The following PTPRO variants were observed in gnomAD, a reference collection of about 807,000 sequenced individuals.
The protein encoded by PTPRO is protein tyrosine phosphatase receptor type O, also known as receptor-type tyrosine-protein phosphatase O.
PTPRO carries 62 observed loss-of-function variants against 145.2 expected under a neutral mutation model. The ratio of observed to expected loss-of-function variants is 0.43; its 90% CI spans 0.35 to 0.53. The LOEUF is 0.53. Among genes scored for constraint, PTPRO ranks in the 20% least tolerant of loss-of-function variants. PTPRO has a pLI of 0.01. For synonymous variants in PTPRO, 565 were observed against 514.7 expected (o/e 1.10, Z -1.32); for missense variants, 1,345 against 1,482.7 (o/e 0.91, Z 1.53).
At chr12:15,359,781 A>C (rs916298733) in intron 1 of PTPRO, among the ~76,000 whole-genome samples, 1 of 152,126 alleles carries the variant, frequency 6.6e-6, no homozygotes. Flanking sequence ...TGACTTACTA[A>C]AGAAAAATTG....
At chr12:15,566,810 C>T (rs980878888) in intron 18 of PTPRO, among the ~76,000 whole-genome samples, 6 of 152,192 alleles carry the variant, frequency 3.9e-5, no homozygotes, top group South Asian at 2.1e-4. Flanking sequence ...CATGAGGCAC[C>T]GTGTCCAGCC....
At chr12:15,546,358 A>G in intron 12 of PTPRO, 1 of 1,400,068 alleles carries the variant, frequency 7.1e-7, no homozygotes. Flanking sequence ...AGAGAAGTAA[A>G]AAAATGGAAG....
intron 1 of PTPRO, among the ~76,000 whole-genome samples, chr12:15,475,569 A>G (rs1941635120): frequency 6.6e-6 from 1 of 152,194 alleles, no homozygotes; most frequent in Non-Finnish European, 1.5e-5. Flanking sequence ...AAATTCTGAG[A>G]TTCCGAATAA....
intron 5 of PTPRO, 83 bp downstream of exon 5, chr12:15,502,146 G>C (rs1458312458): frequency 7.5e-7 from 1 of 1,335,312 alleles, no homozygotes; most frequent in Admixed American, 1.8e-5. Context: ...AGTTTAGAAA[G>C]ACTGATCATA....
chr12:15,581,800 A>G lies in PTPRO; in HGVS notation c.3254A>G (p.Tyr1085Cys), dbSNP rs1944324999. 2 of 1,613,802 alleles carry G rather than the reference A, an allele frequency of 1.2e-6. No individual in the cohort carries two copies. The highest frequency in any genetic ancestry group is 1.7e-6 in the Non-Finnish European group (2 of 1,179,798). The stretch of plus-strand genomic sequence containing the variant: ...GCCTGTAGACACTTCCGGATCAACT[A>G]TGTAAGTCACCAGGCAGAGAGCAGG... ...DWACRHFRIN[Y>C]ADEMQDVMHF... is the part of the protein sequence containing the mutation. Residue 1085 changes from tyrosine to cysteine, a missense_variant and splice_region_variant, in exon 23 of 27, where the codon TAT (tyrosine) becomes TGT (cysteine). Transcript: ENST00000281171.
chr12:15,468,575 G>T (rs1941469282), intron 1 of PTPRO, among the ~76,000 whole-genome samples: 2 of 152,170 alleles, frequency 1.3e-5, no homozygotes, highest in African/African-American at 4.8e-5. Context: ...ACTCTAGGCT[G>T]CAGCCACCTG....
intron 12 of PTPRO, chr12:15,546,311 T>A: frequency 7.7e-7 from 1 of 1,293,318 alleles, no homozygotes; most frequent in Non-Finnish European, 9.9e-7. Context: ...ATTATGACTA[T>A]GATGAAACTG....
chr12:15,341,121 TC>T (rs1866965843), intron 1 of PTPRO, among the ~76,000 whole-genome samples: 1 of 152,248 alleles, frequency 6.6e-6, no homozygotes, highest in African/African-American at 2.4e-5. Flanking sequence ...TGTTTGTTTT[TC>T]TTTTCTTTTT....
intron 1 of PTPRO, among the ~76,000 whole-genome samples, chr12:15,333,809 CTTTAT>C (rs1866679772): frequency 1.3e-5 from 2 of 151,660 alleles, no homozygotes; most frequent in African/African-American, 4.8e-5. Context: ...TTTTTTTTCT[CTTTAT>C]TTTATCAGGT....
At chr12:15,462,315 C>T (rs1298753299) in intron 1 of PTPRO, among the ~76,000 whole-genome samples, 1 of 151,886 alleles carries the variant, frequency 6.6e-6, no homozygotes, top group Admixed American at 6.6e-5. Context: ...CAGTAGAGAC[C>T]GGGTTTCACC....
intron 24 of PTPRO, 62 bp from the exon 25 acceptor site, chr12:15,589,390 AAAG>A (rs1056754118): frequency 1.0e-4 from 162 of 1,608,232 alleles, no homozygotes; most frequent in Middle Eastern, 8.3e-4. Context: ...AAAAAAAAAA[AAAG>A]AGGGGGGAGA....
intron 1 of PTPRO, among the ~76,000 whole-genome samples, chr12:15,403,278 G>C (rs909537882): frequency 6.6e-6 from 1 of 151,994 alleles, no homozygotes; most frequent in African/African-American, 2.4e-5. Flanking sequence ...CAACTCTTCA[G>C]ACTCTCAATA....
At chr12:15,403,394 C>A (rs779863563) in intron 1 of PTPRO, among the ~76,000 whole-genome samples, 1 of 152,086 alleles carries the variant, frequency 6.6e-6, no homozygotes, top group Non-Finnish European at 1.5e-5. Flanking sequence ...ACCAGCCTGG[C>A]CAACATGGTG....
At chr12:15,392,768 T>G (rs553004725) in intron 1 of PTPRO, among the ~76,000 whole-genome samples, 2 of 149,890 alleles carry the variant, frequency 1.3e-5, no homozygotes, top group East Asian at 2.0e-4. Context: ...GGAGCCCTGC[T>G]GTAGAACCTG....
chr12:15,422,245 A>G lies in PTPRO; in HGVS notation c.76-61729A>G, dbSNP rs12318737. Reference sequence around the variant, plus strand: ...GGAAAGAAGACATCATAATTGTACGAAAGGGTTTTAACCAGGTTTTCTTGT... The same window carrying G: ...GGAAAGAAGACATCATAATTGTACGGAAGGGTTTTAACCAGGTTTTCTTGT... On this transcript the variant is annotated intron_variant, in intron 1 of 26. Transcript: ENST00000281171. Among the ~76,000 whole-genome samples the G allele has an allele frequency of 2.4e-3, 366 of 152,282 alleles. 1 individual carries two copies. The highest frequency in any genetic ancestry group is 8.1e-3 in the African/African-American group (336 of 41,558).
chr12:15,406,697 A>G (rs1474598214), intron 1 of PTPRO, among the ~76,000 whole-genome samples: 1 of 152,214 alleles, frequency 6.6e-6, no homozygotes, highest in Non-Finnish European at 1.5e-5. Context: ...TAAATGCTAT[A>G]AATGCAAAGT....
chr12:15,535,850 C>A (rs376007388), intron 12 of PTPRO, among the ~76,000 whole-genome samples: 3 of 152,222 alleles, frequency 2.0e-5, no homozygotes, highest in Admixed American at 1.3e-4. Flanking sequence ...TCATACAAAC[C>A]TTTATAGAGA....
intron 5 of PTPRO, among the ~76,000 whole-genome samples, chr12:15,503,460 A>C (rs1164823605): frequency 1.3e-5 from 2 of 152,202 alleles, no homozygotes; most frequent in African/African-American, 4.8e-5. Flanking sequence ...TACCTTAAAA[A>C]TTAGATGTAT....
intron 1 of PTPRO, among the ~76,000 whole-genome samples, chr12:15,478,406 A>C (rs1361974790): frequency 6.6e-6 from 1 of 152,228 alleles, no homozygotes; most frequent in African/African-American, 2.4e-5. Flanking sequence ...AACTCTCTTT[A>C]AAAATATTCT....
Sources: allele counts gnomAD v4.1 joint callset (sites outside exome capture counted in the v4.1 genomes callset), GRCh38; gene constraint gnomAD v4.1.1; transcripts MANE v1.5; gene names NCBI Gene and HGNC (gene_info 2026-07-23, HGNC 2026-07-21).